Variants in MAPK8 observed in about 807,000 individuals in gnomAD.
MAPK8 encodes JUN N-terminal kinase.
In MAPK8, 13 loss-of-function variants were observed where a neutral mutation model predicts 52.9. That is an observed-to-expected ratio of 0.25 (90% CI 0.16 to 0.39). The LOEUF is 0.39. Ranked by LOEUF, MAPK8 falls within the 10% of genes least tolerant of loss-of-function variation. The probability of loss-of-function intolerance (pLI) is 1.00; values close to 1 mark genes in which losing one functional copy is unlikely to be tolerated. For synonymous variants in MAPK8, 191 were observed against 169.8 expected (o/e 1.12, Z -0.97); for missense variants, 300 against 519.2 (o/e 0.58, Z 4.10).
intron 3 of MAPK8, among the ~76,000 whole-genome samples, chr10:48,407,615 T>C (rs1454132155): frequency 2.0e-5 from 3 of 152,216 alleles, no homozygotes; most frequent in Admixed American, 6.5e-5. Context: ...TATTGAAATA[T>C]AATTTCTGTG....
At chr10:48,399,186 T>C (rs1247503295) in intron 1 of MAPK8, among the ~76,000 whole-genome samples, 1 of 152,220 alleles carries the variant, frequency 6.6e-6, no homozygotes, top group Non-Finnish European at 1.5e-5. Flanking sequence ...AGCTGTAGTT[T>C]CAGTCAGGCA....
chr10:48,388,992 A>G (rs552058096), intron 1 of MAPK8, among the ~76,000 whole-genome samples: 17 of 152,260 alleles, frequency 1.1e-4, no homozygotes, highest in African/African-American at 3.6e-4. Flanking sequence ...GAAAGGAGGA[A>G]GGGGAGAGTA....
intron 1 of MAPK8, among the ~76,000 whole-genome samples, chr10:48,365,297 T>C (rs761250688): frequency 8.5e-5 from 13 of 152,164 alleles, no homozygotes; most frequent in South Asian, 2.1e-4. Flanking sequence ...GGCTGTGGTA[T>C]CATTTTTCTG....
intron 3 of MAPK8, among the ~76,000 whole-genome samples, chr10:48,409,546 T>C (rs1214408393): frequency 1.3e-5 from 2 of 152,144 alleles, no homozygotes; most frequent in African/African-American, 4.8e-5. Flanking sequence ...ATAGAGATAC[T>C]GAATTGGAAA....
intron 1 of MAPK8, among the ~76,000 whole-genome samples, chr10:48,390,925 G>C (rs1422080421): frequency 6.6e-6 from 1 of 152,212 alleles, no homozygotes; most frequent in Non-Finnish European, 1.5e-5. Context: ...AAAGACCATA[G>C]TCTGATAATA....
intron 6 of MAPK8, among the ~76,000 whole-genome samples, chr10:48,422,595 A>G (rs1239488776): frequency 1.3e-5 from 2 of 152,188 alleles, no homozygotes; most frequent in Non-Finnish European, 2.9e-5. Context: ...TGTAAGCTGG[A>G]TATTTAAAGT....
chr10:48,331,814 A>G (rs1349187930), intron 1 of MAPK8, among the ~76,000 whole-genome samples: 7 of 152,170 alleles, frequency 4.6e-5, no homozygotes, highest in Admixed American at 2.0e-4. Flanking sequence ...GGGTGCCCCT[A>G]TAATAACTCA....
chr10:48,392,799 T>G (rs1258203930), intron 1 of MAPK8, among the ~76,000 whole-genome samples: 2 of 152,132 alleles, frequency 1.3e-5, no homozygotes, highest in Non-Finnish European at 2.9e-5. Context: ...TTTACTCCTC[T>G]TTATCTATTT....
chr10:48,353,516 G>T (rs930111758), intron 1 of MAPK8, among the ~76,000 whole-genome samples: 6 of 152,204 alleles, frequency 3.9e-5, no homozygotes, highest in Admixed American at 6.5e-5. Context: ...TACTGGCACA[G>T]TTGGATAGCC....
At chr10:48,398,014 T>C (rs922497582) in intron 1 of MAPK8, among the ~76,000 whole-genome samples, 1 of 152,218 alleles carries the variant, frequency 6.6e-6, no homozygotes, top group Non-Finnish European at 1.5e-5. Flanking sequence ...AAGTTTCTAG[T>C]TTGATTAATA....
chr10:48,420,363 T>G (rs760218656), intron 6 of MAPK8, 43 bp downstream of exon 6: 2 of 1,496,310 alleles, frequency 1.3e-6, no homozygotes, highest in Non-Finnish European at 1.8e-6. Context: ...TGATTTAGCT[T>G]TTTTCTTTAT....
At chr10:48,389,596 G>A (rs1353929690) in intron 1 of MAPK8, among the ~76,000 whole-genome samples, 1 of 152,166 alleles carries the variant, frequency 6.6e-6, no homozygotes, top group African/African-American at 2.4e-5. Flanking sequence ...TCCTTGAGAG[G>A]AGAAAGACAG....
chr10:48,328,362 T>G (rs964435451), intron 1 of MAPK8, among the ~76,000 whole-genome samples: 1 of 152,022 alleles, frequency 6.6e-6, no homozygotes, highest in African/African-American at 2.4e-5. Context: ...GTAATTCTTT[T>G]TTTTCTTCTG....
At chr10:48,359,497 G>T (rs966712256) in intron 1 of MAPK8, among the ~76,000 whole-genome samples, 1 of 152,120 alleles carries the variant, frequency 6.6e-6, no homozygotes, top group African/African-American at 2.4e-5. Context: ...ACAGTTTGGG[G>T]GGCTAGCCCT....
rs73298605 is a variant in MAPK8 at position 48,392,846 on chromosome 10, G to A, written c.-49-8766G>A. 3.5e-3 allele frequency among the ~76,000 whole-genome samples: 531 copies of A among 152,218 alleles called. 4 individuals carry two copies. Among genetic ancestry groups the A allele is most frequent in the African/African-American group, 0.012 (518 of 41,542 alleles). On this transcript the variant is annotated intron_variant, in intron 1 of 11. Transcript: ENST00000374189. ...TTCTTTGTTAAACTTCTCTAAAGAA[G>A]TAGCTATATCCAGTTTCCTTATAAA...
At chr10:48,428,799 G>A (rs757839480) in intron 10 of MAPK8, among the ~76,000 whole-genome samples, 16 of 151,974 alleles carry the variant, frequency 1.1e-4, no homozygotes, top group Non-Finnish European at 1.8e-4. Flanking sequence ...GTAGAATCTT[G>A]TGGTTTTTTT....
In MAPK8 at chr10:48,320,211, CTTTTTTTTTTTTTTT is replaced by C. The variant is rs71026206; in HGVS notation, c.-50+13408_-50+13422del. On this transcript the variant is annotated intron_variant, in intron 1 of 11. Coordinates refer to ENST00000374189, the MANE Select transcript of MAPK8 (RefSeq NM_001323329.2). ...TTTCAGGTGTGAGCCACTGCTCGGC[CTTTTTTTTTTTTTTT>C]TTTTTTTTTTTTTTTTTAAATTAGA... 6.4e-3 allele frequency among the ~76,000 whole-genome samples: 226 copies of C among 35,336 alleles called. 7 individuals are homozygous for C. Among genetic ancestry groups the C allele is most frequent in the African/African-American group, 0.018 (198 of 11,064 alleles). The allele number at this position is 35,336 out of a possible 152,430, so 23.2% of individuals were successfully genotyped here.
intron 1 of MAPK8, among the ~76,000 whole-genome samples, chr10:48,353,123 G>A (rs551924503): frequency 6.6e-6 from 1 of 152,280 alleles, no homozygotes; most frequent in Admixed American, 6.5e-5. Flanking sequence ...AAGACATACT[G>A]TGCTCATAGA....
rs573021554 is a variant in MAPK8, at chr10:48,427,025, G to A, written c.997-55G>A. ...GTGGCTAATATTTCAAATAACTACA[G>A]AGTTAAAATACTCCCAGCATACTGA... On this transcript the variant is annotated intron_variant, in intron 9 of 11. Transcript: ENST00000374189. 368 of 1,273,638 alleles carry A rather than the reference G, an allele frequency of 2.9e-4. 1 individual carries two copies. The highest frequency in any genetic ancestry group is 4.0e-4 in the Non-Finnish European group (350 of 872,632). The allele number at this position is 1,273,638 out of a possible 1,614,324, so 78.9% of individuals were successfully genotyped here.
Sources: allele counts gnomAD v4.1 joint callset (sites outside exome capture counted in the v4.1 genomes callset), GRCh38; gene constraint gnomAD v4.1.1; transcripts MANE v1.5; gene names NCBI Gene and HGNC (gene_info 2026-07-23, HGNC 2026-07-21).